Variants in CLCN6 observed in about 807,000 individuals in gnomAD.
The protein encoded by CLCN6 is Cl-/H+ antiporter 6.
Under a neutral mutation model 109.8 loss-of-function variants are expected in CLCN6, and 70 were observed. The observed-to-expected ratio is 0.64, with a 90% CI of 0.53 to 0.78. CLCN6 has a LOEUF of 0.78. Among genes scored for constraint, CLCN6 ranks in the 30% least tolerant of loss-of-function variants. The pLI, the probability that CLCN6 is intolerant of heterozygous loss-of-function variation, is 0.00. For missense variants in CLCN6, 984 were observed against 1,142.3 expected, an observed-to-expected ratio of 0.86 and a Z score of 2.00; for synonymous variants, 444 against 447.8, an observed-to-expected ratio of 0.99 and a Z score of 0.11.
chr1:11,828,330 C>T (rs778779004), intron 11 of CLCN6, 111 bp downstream of exon 11: 21 of 1,403,904 alleles, frequency 1.5e-5, no homozygotes, highest in Non-Finnish European at 2.1e-5. Flanking sequence ...TCCAGGGACA[C>T]ATCTCACCCA....
chr1:11,833,561 A>G lies in CLCN6; in HGVS notation c.1295A>G (p.Asn432Ser), dbSNP rs200821920. 18 of 1,613,834 alleles carry G rather than the reference A, an allele frequency of 1.1e-5. No individual in the cohort carries two copies. Among genetic ancestry groups the G allele is most frequent in the East Asian group, 4.5e-5 (2 of 44,876 alleles). The change falls in exon 14 of 23, where the codon AAT becomes AGT. Residue 432 changes from asparagine to serine, a missense_variant. Coordinates refer to ENST00000346436, the MANE Select transcript of CLCN6 (RefSeq NM_001286.5). ...NSSIKTFFCP[N>S]DTYNDMATLF... ...AGTATCAAGACATTTTTTTGTCCCA[A>G]TGATACCTACAATGACATGGCCACA...
rs1398207109 is a variant in CLCN6, at chr1:11,834,197, G to A, written c.1527-39G>A. 3 of 1,601,978 alleles carry A rather than the reference G, an allele frequency of 1.9e-6. No homozygotes were observed. The African/African-American group carries it at 4.0e-5, about 22-fold the overall frequency. The stretch of plus-strand genomic sequence containing the variant: ...TAGGTCCTCCCCACAGCCTATCAGT[G>A]TGGTTCAAAGCCATGTTCTCGGTGT... On this transcript the variant is annotated intron_variant, in intron 15 of 22. Transcript: ENST00000346436. The surrounding 1 kb of genome is among the most constrained non-coding windows in gnomAD (Gnocchi z 4.5).
rs747102721 is a variant in CLCN6 at position 11,837,078 on chromosome 1, G to A, written c.2060G>A (p.Arg687Gln). Residue 687 changes from arginine to glutamine, a missense_variant, in exon 19 of 23, where the codon CGG becomes CAG. By Grantham distance (43) the Arg-to-Gln change is conservative. Coordinates refer to ENST00000346436, the MANE Select transcript of CLCN6 (RefSeq NM_001286.5). Reference sequence around the variant, plus strand: ...AAGTCCTACCCATCCAGCGAGCTACGGAACATGTGTGATGAGCACATCGCC... The same window carrying A: ...AAGTCCTACCCATCCAGCGAGCTACAGAACATGTGTGATGAGCACATCGCC... Reference protein sequence around the residue: ...SMKSYPSSELRNMCDEHIASE... With the variant: ...SMKSYPSSELQNMCDEHIASE... 23 of 1,613,386 alleles carry A rather than the reference G, an allele frequency of 1.4e-5. No individual in the cohort carries two copies. The highest frequency in any genetic ancestry group is 1.8e-5 in the Non-Finnish European group (21 of 1,180,052).
intron 6 of CLCN6, among the ~76,000 whole-genome samples, chr1:11,823,502 C>T (rs1476279750): frequency 6.6e-6 from 1 of 151,672 alleles, no homozygotes; most frequent in Admixed American, 6.6e-5. Context: ...AAAAAAAGTG[C>T]AAGTCCTCCC....
At position 11,807,206 on chromosome 1, in the gene CLCN6, A is replaced by G. The variant is rs567502044; in HGVS notation, c.147+16A>G. The G allele has an allele frequency of 1.5e-4, 242 of 1,612,566 alleles. 1 individual carries two copies. The highest frequency in any genetic ancestry group is 2.4e-5 in the Non-Finnish European group (28 of 1,178,606). ...AGACTATGAGGTGAGCTCCTTTGATACTGCTTGGGCAACTAAAGTAGTGAG... is the reference window on the plus strand; with the variant it reads ...AGACTATGAGGTGAGCTCCTTTGATGCTGCTTGGGCAACTAAAGTAGTGAG... On this transcript the variant is annotated intron_variant, in intron 2 of 22. Transcript: ENST00000346436.
chr1:11,811,439 A>G (rs943156466), intron 2 of CLCN6, among the ~76,000 whole-genome samples: 2 of 151,210 alleles, frequency 1.3e-5, no homozygotes, highest in Non-Finnish European at 2.9e-5. Flanking sequence ...CAAGAGTGCA[A>G]TGTTGTGATC....
intron 2 of CLCN6, among the ~76,000 whole-genome samples, chr1:11,808,019 C>T (rs1034004800): frequency 6.6e-6 from 1 of 151,952 alleles, no homozygotes; most frequent in African/African-American, 2.4e-5. Flanking sequence ...TTAGTGTCAG[C>T]GTTAGGATTT....
chr1:11,816,294 G>A (rs1023473309), intron 3 of CLCN6, among the ~76,000 whole-genome samples: 3 of 152,172 alleles, frequency 2.0e-5, no homozygotes, highest in African/African-American at 4.8e-5. Flanking sequence ...CAAAACACTC[G>A]TGTGACTCAC....
At chr1:11,810,208 ATATTTGACTCTT>A (rs954849286) in intron 2 of CLCN6, among the ~76,000 whole-genome samples, 4 of 152,226 alleles carry the variant, frequency 2.6e-5, no homozygotes, top group African/African-American at 9.6e-5. Flanking sequence ...TTCATTGCAC[ATATTTGACTCTT>A]TATTTGATAA....
chr1:11,830,520 AG>A (rs1237177972), intron 13 of CLCN6, among the ~76,000 whole-genome samples: 3 of 152,084 alleles, frequency 2.0e-5, no homozygotes, highest in Non-Finnish European at 4.4e-5. Context: ...GGACCTACAT[AG>A]GTTATATGCA....
Position 11,834,787 on chromosome 1 carries a change from G to C in CLCN6, c.1793+197G>C, listed in dbSNP as rs1484627138. Among the ~76,000 whole-genome samples the C allele has an allele frequency of 6.6e-6, 1 of 152,190 alleles. No homozygotes were observed. Among genetic ancestry groups the C allele is most frequent in the Non-Finnish European group, 1.5e-5 (1 of 68,020 alleles). ...TGCGGGGGCAGGGCAGGGGACACGG[G>C]CACTGTGGGACTGCAGTGGGCAGGG... On this transcript the variant is annotated intron_variant, in intron 17 of 22. Transcript: ENST00000346436. The surrounding 1 kb of genome is among the most constrained non-coding windows in gnomAD (Gnocchi z 4.5).
In CLCN6 at chr1:11,806,345, A is replaced by T; in HGVS notation, c.83A>T (p.Glu28Val). Residue 28 changes from glutamate to valine, a missense_variant, in exon 1 of 23, where the codon GAG becomes GTG. Glu to Val is a moderately radical substitution (Grantham distance 121, BLOSUM62 -2). Coordinates refer to ENST00000346436, the MANE Select transcript of CLCN6 (RefSeq NM_001286.5). ...CGERETRTPE[E>V]LTILGETQEE... The stretch of plus-strand genomic sequence containing the variant: ...GAGCGTGAGACCCGCACCCCCGAGG[A>T]GCTGGTAAGAAGCCGGCGGAGTCGG... 6.6e-7 allele frequency: 1 copy of T among 1,514,966 alleles called. No homozygotes were observed. Among genetic ancestry groups the T allele is most frequent in the Non-Finnish European group, 8.7e-7 (1 of 1,143,152 alleles). The allele number at this position is 1,514,966 out of a possible 1,614,324, so 93.8% of individuals were successfully genotyped here.
Position 11,834,643 on chromosome 1 carries a change from G to T in CLCN6, c.1793+53G>T. 1 of 1,442,010 alleles carries T rather than the reference G, an allele frequency of 6.9e-7. No individual in the cohort carries two copies. The highest frequency in any genetic ancestry group is 9.7e-7 in the Non-Finnish European group (1 of 1,030,056). The allele number at this position is 1,442,010 out of a possible 1,614,324, so 89.3% of individuals were successfully genotyped here. A position where few individuals can be genotyped will look rare whatever the true frequency, so the allele number is the denominator to read the frequency against. On this transcript the variant is annotated intron_variant, in intron 17 of 22. Coordinates refer to ENST00000346436, the MANE Select transcript of CLCN6 (RefSeq NM_001286.5). This position sits in a 1 kb window ranked among gnomAD's most constrained non-coding sequence, Gnocchi z 4.5. Reference sequence around the variant, plus strand: ...AGTTTCAGAATGTATAAGCTCTGAGGCCTAAGGAATGTTGTTATTAGGGTA... The same window carrying T: ...AGTTTCAGAATGTATAAGCTCTGAGTCCTAAGGAATGTTGTTATTAGGGTA...
rs71585869 is a variant in CLCN6 at position 11,830,783 on chromosome 1, T to TACAC, written c.1248+1489_1248+1492dup. On this transcript the variant is annotated intron_variant, in intron 13 of 22. Coordinates refer to ENST00000346436, the MANE Select transcript of CLCN6 (RefSeq NM_001286.5). The stretch of plus-strand genomic sequence containing the variant: ...TATATATACACACACACACTATATA[T>TACAC]ACACACACACACACACACACACACA... Among the ~76,000 whole-genome samples the TACAC allele has an allele frequency of 1.9e-3, 268 of 137,830 alleles. 1 individual carries two copies. The highest frequency in any genetic ancestry group is 3.6e-3 in the Middle Eastern group (1 of 274). 90.4% of individuals were successfully genotyped at this position (137,830 alleles called of 152,430 possible).
chr1:11,830,498 AAGTAT>A (rs1343288969), intron 13 of CLCN6, among the ~76,000 whole-genome samples: 2 of 152,152 alleles, frequency 1.3e-5, no homozygotes, highest in African/African-American at 4.8e-5. Flanking sequence ...GATGATTTAA[AAGTAT>A]ATAGGAGGAC....
At position 11,836,246 on chromosome 1, in the gene CLCN6, A is replaced by C; in HGVS notation, c.1980+93A>C. 5.1e-6 allele frequency: 6 copies of C among 1,173,464 alleles called. No individual in the cohort carries two copies. In the South Asian group the frequency reaches 9.1e-5, roughly 18 times the overall value. The allele number at this position is 1,173,464 out of a possible 1,614,324, so 72.7% of individuals were successfully genotyped here. ...CTTTGCCCACCCCTGGCTGGGGTGG[A>C]CTTACCGGCTCTCAGGGGAAGTTGG... On this transcript the variant is annotated intron_variant, in intron 18 of 22. Transcript: ENST00000346436.
At position 11,840,507 on chromosome 1, in the gene CLCN6, G is replaced by A. The variant is rs1175555939; in HGVS notation, c.*284G>A. On this transcript the variant is annotated 3_prime_UTR_variant, in exon 23 of 23. Transcript: ENST00000346436. ...CACAGGCCCACCCCTGGCTCCACCA[G>A]AGCCAGAAGCAGAGGTAGAATCAGG... The A allele has an allele frequency of 5.8e-6, 3 of 516,060 alleles. No individual in the cohort carries two copies. Among genetic ancestry groups the A allele is most frequent in the East Asian group, 3.4e-5 (1 of 29,476 alleles). The allele number at this position is 516,060 out of a possible 1,614,324, so 32.0% of individuals were successfully genotyped here.
At chr1:11,815,950 G>T (rs762163709) in intron 3 of CLCN6, 39 bp downstream of exon 3, 1 of 1,487,436 alleles carries the variant, frequency 6.7e-7, no homozygotes, top group East Asian at 2.3e-5. Context: ...GATCAAATCA[G>T]TCTTAACATG....
intron 13 of CLCN6, among the ~76,000 whole-genome samples, chr1:11,830,758 TATATATAC>T (rs1166401734): frequency 2.2e-5 from 3 of 134,014 alleles, no homozygotes; most frequent in African/African-American, 9.1e-5. Flanking sequence ...TATATATATA[TATATATAC>T]ACACACACAC....
Sources: allele counts gnomAD v4.1 joint callset (sites outside exome capture counted in the v4.1 genomes callset), GRCh38; gene constraint gnomAD v4.1.1; non-coding constraint Gnocchi (gnomAD v3.1); transcripts MANE v1.5; gene names NCBI Gene and HGNC (gene_info 2026-07-23, HGNC 2026-07-21).